RIOK1: variants seen among roughly 807,000 people sequenced by gnomAD.
RIOK1 encodes the protein serine/threonine-protein kinase RIO1.
RIOK1 carries 66 observed loss-of-function variants against 73.5 expected under a neutral mutation model. The observed-to-expected ratio is 0.90, with a 90% CI of 0.74 to 1.10. The LOEUF (loss-of-function observed/expected upper bound fraction) is 1.10, where lower values mean the gene tolerates loss of function less well. Ranked by LOEUF, RIOK1 falls within the 50% of genes least tolerant of loss-of-function variation. The pLI, the probability that RIOK1 is intolerant of heterozygous loss-of-function variation, is 0.00. For synonymous variants in RIOK1, 224 were observed against 226.8 expected (o/e 0.99, Z 0.11); for missense variants, 658 against 699.8 (o/e 0.94, Z 0.67).
At chr6:7,394,218 G>A (rs895482903) in intron 2 of RIOK1, among the ~76,000 whole-genome samples, 2 of 152,204 alleles carry the variant, frequency 1.3e-5, no homozygotes, top group African/African-American at 4.8e-5. Flanking sequence ...CGGATCACCT[G>A]AGATCAGGAG....
At position 7,414,199 on chromosome 6, in the gene RIOK1, G is replaced by A. The variant is rs757852622; in HGVS notation, c.1444-39G>A. 3.8e-6 allele frequency: 6 copies of A among 1,563,482 alleles called. No individual in the cohort carries two copies. The African/African-American group carries it at 6.9e-5, about 18-fold the overall frequency. ...AACAACAACACATAACTTGGTTTGT[G>A]TGTTGTTTAGAATAACATGGTTCTT... On this transcript the variant is annotated intron_variant, in intron 15 of 16. Coordinates refer to ENST00000379834, the MANE Select transcript of RIOK1 (RefSeq NM_031480.3).
chr6:7,403,927 T>C lies in RIOK1; in HGVS notation c.768-14T>C. The C allele has an allele frequency of 6.3e-7, 1 of 1,591,390 alleles. No individual in the cohort carries two copies. On this transcript the variant is annotated splice_polypyrimidine_tract_variant and intron_variant, in intron 8 of 16. Coordinates refer to ENST00000379834, the MANE Select transcript of RIOK1 (RefSeq NM_031480.3). The stretch of plus-strand genomic sequence containing the variant: ...AACTTTTCAGTTGTCCTTTTATTTG[T>C]TATAATATCACAGGCTAAACACAGC...
chr6:7,391,161 C>G (rs921056935), intron 1 of RIOK1, among the ~76,000 whole-genome samples: 1 of 152,022 alleles, frequency 6.6e-6, no homozygotes, highest in African/African-American at 2.4e-5. Context: ...TCATCACATG[C>G]GGATTTTGTT....
chr6:7,393,276 T>C lies in RIOK1; in HGVS notation c.249T>C (p.Tyr83=), dbSNP rs1561873632. The change falls in exon 2 of 17, where the codon TAT becomes TAC. Residue 83 remains tyrosine, a synonymous_variant. Transcript: ENST00000379834. ...GAGTTGGAAAACTCGCCAAGGGTTA[T>C]GTCTGGAATGGAGGAAGCAACCCAC... is the stretch of plus-strand genomic sequence containing the variant. ...DEGVGKLAKG[Y]VWNGGSNPQA... The C allele has an allele frequency of 6.2e-7, 1 of 1,614,114 alleles. No homozygotes were observed. Among genetic ancestry groups the C allele is most frequent in the Non-Finnish European group, 8.5e-7 (1 of 1,180,006 alleles).
intron 1 of RIOK1, among the ~76,000 whole-genome samples, chr6:7,392,463 C>T (rs763176378): frequency 5.2e-4 from 79 of 151,322 alleles, no homozygotes; most frequent in Non-Finnish European, 8.1e-4. Context: ...AAAGTGTTAT[C>T]GAGTTCAAAG....
chr6:7,391,032 C>T (rs907187027), intron 1 of RIOK1, among the ~76,000 whole-genome samples: 3 of 151,842 alleles, frequency 2.0e-5, no homozygotes, highest in African/African-American at 2.4e-5. Flanking sequence ...GTAGACTGGA[C>T]GTGGAGTCTG....
intron 2 of RIOK1, 142 bp from the exon 3 acceptor site, chr6:7,394,904 TGAGCCAA>T: frequency 8.1e-7 from 1 of 1,232,522 alleles, no homozygotes; most frequent in Non-Finnish European, 1.1e-6. Context: ...AAAAATTTTT[TGAGCCAA>T]TTTGATTGAC....
chr6:7,417,275 C>G, intron 16 of RIOK1, 56 bp from the exon 17 acceptor site: 1 of 1,205,700 alleles, frequency 8.3e-7, no homozygotes, highest in Non-Finnish European at 1.2e-6. Flanking sequence ...AAAACAAAAA[C>G]AAAAAATGCA....
At chr6:7,395,769 G>A (rs1467043054) in intron 3 of RIOK1, among the ~76,000 whole-genome samples, 1 of 151,624 alleles carries the variant, frequency 6.6e-6, no homozygotes, top group Non-Finnish European at 1.5e-5. Flanking sequence ...GAGTGCAGTG[G>A]CACGATCTTG....
chr6:7,415,712 AT>A (rs1423523544), intron 16 of RIOK1, among the ~76,000 whole-genome samples: 1 of 152,246 alleles, frequency 6.6e-6, no homozygotes, highest in Non-Finnish European at 1.5e-5. Context: ...CCACCAGGCC[AT>A]TTACTGTAAG....
chr6:7,414,161 C>G, intron 15 of RIOK1, 77 bp from the exon 16 acceptor site: 1 of 1,351,714 alleles, frequency 7.4e-7, no homozygotes, highest in Non-Finnish European at 1.0e-6. Context: ...TGAATTCTGG[C>G]ATTAACACAT....
intron 16 of RIOK1, 98 bp from the exon 17 acceptor site, chr6:7,417,233 G>A (rs973154270): frequency 1.4e-5 from 10 of 703,210 alleles, no homozygotes; most frequent in Non-Finnish European, 2.3e-5. Context: ...CTGGGCGACA[G>A]AGCAAGACCC....
chr6:7,413,481 T>A (rs1019290695), intron 15 of RIOK1, among the ~76,000 whole-genome samples: 2 of 152,258 alleles, frequency 1.3e-5, no homozygotes, highest in Non-Finnish European at 2.9e-5. Context: ...CAGTCTTTAT[T>A]TTTTTAAATC....
At position 7,411,320 on chromosome 6, in the gene RIOK1, CCTCT is replaced by C; in HGVS notation, c.1270-9_1270-6del. On this transcript the variant is annotated splice_polypyrimidine_tract_variant and splice_region_variant and intron_variant, in intron 13 of 16. Transcript: ENST00000379834. ...GAATAACAGTTTTGATTTTGCTTTT[CCTCT>C]CTGTTAGGTGTTTAAGCGAGCATAT... is the stretch of plus-strand genomic sequence containing the variant. The C allele has an allele frequency of 1.2e-6, 2 of 1,612,506 alleles. No homozygotes were observed. Among genetic ancestry groups the C allele is most frequent in the Non-Finnish European group, 1.7e-6 (2 of 1,179,190 alleles).
chr6:7,399,108 C>T (rs1473470059), intron 5 of RIOK1, among the ~76,000 whole-genome samples: 1 of 152,154 alleles, frequency 6.6e-6, no homozygotes, highest in Non-Finnish European at 1.5e-5. Context: ...GAGAGAGGGG[C>T]AGATAATGTC....
At chr6:7,397,351 A>C (rs1051615081) in intron 4 of RIOK1, among the ~76,000 whole-genome samples, 5 of 152,244 alleles carry the variant, frequency 3.3e-5, no homozygotes, top group Non-Finnish European at 5.9e-5. Flanking sequence ...ATGTGTTCTT[A>C]TGAGGGGAAC....
At chr6:7,414,176 C>A (rs888330288) in intron 15 of RIOK1, 62 bp from the exon 16 acceptor site, 46 of 1,473,344 alleles carry the variant, frequency 3.1e-5, no homozygotes, top group Non-Finnish European at 3.7e-5. Flanking sequence ...ACACATTTAA[C>A]AACAACACAT....
chr6:7,401,127 A>G (rs1761600606), intron 6 of RIOK1, 77 bp downstream of exon 6: 4 of 901,114 alleles, frequency 4.4e-6, no homozygotes, highest in Non-Finnish European at 5.3e-6. Context: ...TTAGAACTAC[A>G]TTATGCCTTT....
At chr6:7,411,697 A>T (rs1761886861) in intron 14 of RIOK1, 2 of 417,874 alleles carry the variant, frequency 4.8e-6, no homozygotes, top group Admixed American at 8.3e-5. Flanking sequence ...CAAGATTCAG[A>T]TAGAAGTCTA....
Sources: gnomAD v4.1 joint callset for allele counts (sites outside exome capture counted in the v4.1 genomes callset) on GRCh38, gnomAD v4.1.1 for gene constraint, MANE v1.5 for transcripts, NCBI Gene and HGNC (gene_info 2026-07-23, HGNC 2026-07-21) for gene names.